CCDC7: variants seen among roughly 807,000 people sequenced by gnomAD.
The protein encoded by CCDC7 is coiled-coil domain-containing protein 7.
A neutral mutation model predicts 196.9 loss-of-function variants in CCDC7; 183 were observed. The observed-to-expected ratio is 0.93, with a 90% CI of 0.82 to 1.05. The LOEUF (loss-of-function observed/expected upper bound fraction) is 1.05. Ranked by LOEUF, CCDC7 falls within the 50% of genes least tolerant of loss-of-function variation. The probability of loss-of-function intolerance (pLI) is 0.00; values close to 1 mark genes in which losing one functional copy is unlikely to be tolerated. For synonymous variants in CCDC7, 525 were observed against 484.6 expected, an observed-to-expected ratio of 1.08 and a Z score of -1.10; for missense variants, 1,540 against 1,482.2, an observed-to-expected ratio of 1.04 and a Z score of -0.64.
At chr10:32,826,206 G>A (rs1829468000) in intron 32 of CCDC7, among the ~76,000 whole-genome samples, 1 of 152,172 alleles carries the variant, frequency 6.6e-6, no homozygotes, top group South Asian at 2.1e-4. Context: ...TAGAAGTGAG[G>A]TTCAAAGTGT....
intron 9 of CCDC7, chr10:32,513,695 A>T (rs1248172095): frequency 1.3e-5 from 2 of 152,202 alleles, no homozygotes; most frequent in Non-Finnish European, 2.9e-5. Context: ...GTTGATTTAA[A>T]ATGCAGGTAT....
chr10:32,520,914 T>C (rs1241975470), intron 11 of CCDC7, among the ~76,000 whole-genome samples: 2 of 151,886 alleles, frequency 1.3e-5, no homozygotes, highest in Non-Finnish European at 2.9e-5. Context: ...TGAGAGAGGG[T>C]TCAAGATTCA....
chr10:32,706,814 A>G (rs933549488), intron 24 of CCDC7, among the ~76,000 whole-genome samples: 2 of 152,184 alleles, frequency 1.3e-5, no homozygotes, highest in African/African-American at 4.8e-5. Context: ...GCTCTGAAAT[A>G]GAGGCAATAA....
chr10:32,708,423 T>C (rs1008234636), intron 24 of CCDC7, among the ~76,000 whole-genome samples: 1 of 152,176 alleles, frequency 6.6e-6, no homozygotes, highest in African/African-American at 2.4e-5. Context: ...AAAAACTTCA[T>C]GACTAGAACA....
At chr10:32,531,245 C>T (rs2049608336) in intron 11 of CCDC7, among the ~76,000 whole-genome samples, 1 of 152,046 alleles carries the variant, frequency 6.6e-6, no homozygotes, top group African/African-American at 2.4e-5. Flanking sequence ...CCCTCAGCTT[C>T]CCTAGTAGCT....
intron 11 of CCDC7, among the ~76,000 whole-genome samples, chr10:32,520,964 A>T (rs1221869506): frequency 1.3e-5 from 2 of 152,038 alleles, no homozygotes; most frequent in East Asian, 3.9e-4. Context: ...AGCAACATTT[A>T]TTGAAGAGAC....
intron 20 of CCDC7, among the ~76,000 whole-genome samples, chr10:32,635,953 C>T (rs1369013204): frequency 6.6e-6 from 1 of 152,044 alleles, no homozygotes; most frequent in Non-Finnish European, 1.5e-5. Flanking sequence ...TTCTTTTACT[C>T]TTCTTTATGC....
intron 13 of CCDC7, among the ~76,000 whole-genome samples, chr10:32,552,302 C>A (rs1039188637): frequency 6.6e-6 from 1 of 152,104 alleles, no homozygotes; most frequent in African/African-American, 2.4e-5. Flanking sequence ...TATGTGTTAG[C>A]GAGTCTCCTG....
intron 40 of CCDC7, among the ~76,000 whole-genome samples, chr10:32,852,406 G>A (rs543406969): frequency 2.0e-5 from 3 of 152,116 alleles, no homozygotes; most frequent in South Asian, 2.1e-4. Flanking sequence ...ACTAAGATTC[G>A]ATTCTTATCT....
Position 32,753,036 on chromosome 10 carries a change from TGAA to T in CCDC7, c.2905+23584_2905+23586del, listed in dbSNP as rs1188285689. On this transcript the variant is annotated intron_variant, in intron 28 of 41. Coordinates refer to ENST00000639629, the Ensembl canonical transcript of CCDC7. ...ATGGGAAATTACTAGCTTAATAAAA[TGAA>T]GAAGGGAATATGTCATTTCTCAATA... 6.6e-5 allele frequency among the ~76,000 whole-genome samples: 10 copies of T among 152,304 alleles called. No homozygotes were observed. The South Asian group carries it at 1.9e-3, about 28-fold the overall frequency.
At chr10:32,467,164 C>T (rs2133817951) in intron 5 of CCDC7, among the ~76,000 whole-genome samples, 1 of 151,646 alleles carries the variant, frequency 6.6e-6, no homozygotes, top group Non-Finnish European at 1.5e-5. Context: ...TGCAGTGACA[C>T]AATCTCCGCT....
chr10:32,497,599 T>C (rs1368152991), intron 9 of CCDC7, among the ~76,000 whole-genome samples: 1 of 152,214 alleles, frequency 6.6e-6, no homozygotes, highest in Non-Finnish European at 1.5e-5. Context: ...GTGTCTTTAT[T>C]CTCATTGGTT....
chr10:32,745,076 T>A (rs1195055932), intron 28 of CCDC7, among the ~76,000 whole-genome samples: 1 of 152,234 alleles, frequency 6.6e-6, no homozygotes, highest in Admixed American at 6.5e-5. Flanking sequence ...TGAAAAGATA[T>A]TCCTTTCGTC....
exon 6 of CCDC7, chr10:32,471,156 A>G: frequency 6.2e-7 from 1 of 1,612,988 alleles, no homozygotes; most frequent in Non-Finnish European, 8.5e-7. Context: ...GGCTTGTACA[A>G]AGATTTGAAG....
At chr10:32,700,151 T>A (rs1034103240) in intron 24 of CCDC7, among the ~76,000 whole-genome samples, 1 of 149,556 alleles carries the variant, frequency 6.7e-6, no homozygotes, top group East Asian at 1.9e-4. Flanking sequence ...CTGAATGGTA[T>A]TGCCTAGGTT....
chr10:32,501,737 A>G (rs1331089372), intron 9 of CCDC7, among the ~76,000 whole-genome samples: 1 of 152,206 alleles, frequency 6.6e-6, no homozygotes, highest in Admixed American at 6.5e-5. Context: ...GGCACCAGCC[A>G]GATGCCAGCC....
At chr10:32,674,121 TG>T (rs775717377) in intron 21 of CCDC7, among the ~76,000 whole-genome samples, 5 of 150,744 alleles carry the variant, frequency 3.3e-5, no homozygotes, top group South Asian at 2.1e-4. Flanking sequence ...GTTCTAATTT[TG>T]TTTTTTTTTC....
chr10:32,564,086 C>G (rs1270012073), intron 13 of CCDC7, among the ~76,000 whole-genome samples: 1 of 152,068 alleles, frequency 6.6e-6, no homozygotes, highest in Non-Finnish European at 1.5e-5. Flanking sequence ...AAATGCAAAT[C>G]AAAACCACAA....
intron 19 of CCDC7, 45 bp downstream of exon 20, chr10:32,634,409 T>G (rs1200045524): frequency 2.3e-6 from 2 of 876,310 alleles, no homozygotes; most frequent in Admixed American, 4.4e-5. Context: ...TTTATTTTTA[T>G]TTTTTGAGAT....
Sources: gnomAD v4.1 joint callset for allele counts (sites outside exome capture counted in the v4.1 genomes callset) on GRCh38, gnomAD v4.1.1 for gene constraint, MANE v1.5 for transcripts, NCBI Gene and HGNC (gene_info 2026-07-23, HGNC 2026-07-21) for gene names.